The following CELF2 variants were observed in gnomAD, a reference collection of about 807,000 sequenced individuals.
CELF2 encodes the protein CUGBP Elav-like family member 2.
CELF2 carries 8 observed loss-of-function variants against 62.6 expected under a neutral mutation model. The observed-to-expected ratio is 0.13, with a 90% CI of 0.07 to 0.23. The LOEUF is 0.23. Among genes scored for constraint, CELF2 ranks in the 10% least tolerant of loss-of-function variants. The pLI is 1.00. For synonymous variants in CELF2, 258 were observed against 250.0 expected (o/e 1.03, Z -0.30); for missense variants, 333 against 671.0 (o/e 0.50, Z 5.56).
intron 2 of CELF2, among the ~76,000 whole-genome samples, chr10:10,958,726 C>A (rs536635266): frequency 6.6e-6 from 1 of 152,144 alleles, no homozygotes; most frequent in South Asian, 2.1e-4. Context: ...ACCTGTAAGT[C>A]CCAGCTACTC....
chr10:11,001,151 T>C (rs1362607833), upstream of CELF2, among the ~76,000 whole-genome samples: 9 of 152,252 alleles, frequency 5.9e-5, no homozygotes, highest in Admixed American at 5.9e-4. Context: ...CATATTTACT[T>C]AACAAATTTT....
At chr10:10,795,483 T>C (rs1337098554), upstream of CELF2, among the ~76,000 whole-genome samples, 1 of 152,168 alleles carries the variant, frequency 6.6e-6, no homozygotes, top group African/African-American at 2.4e-5. Context: ...ACTGTTGCCT[T>C]TCTGTGTTAC....
At chr10:10,809,734 CATT>C (rs1177016413) in intron 1 of CELF2, among the ~76,000 whole-genome samples, 2 of 152,258 alleles carry the variant, frequency 1.3e-5, no homozygotes, top group East Asian at 1.9e-4. Context: ...CTTAGGCAAA[CATT>C]ATGAAACAAT....
At chr10:10,499,325 C>T in the CELF2 span, among the ~76,000 whole-genome samples, 41 of 152,136 alleles carry the variant, frequency 2.7e-4, no homozygotes, top group African/African-American at 8.7e-4. Flanking sequence ...CTCAGCCTCC[C>T]GAAGTGCTGG....
the CELF2 span, among the ~76,000 whole-genome samples, chr10:10,682,738 G>A: frequency 6.6e-6 from 1 of 152,100 alleles, no homozygotes; most frequent in Non-Finnish European, 1.5e-5. Context: ...TTGGATATCA[G>A]CATTCCTGGA....
the CELF2 span, among the ~76,000 whole-genome samples, chr10:10,683,949 T>C: frequency 6.6e-6 from 1 of 152,172 alleles, no homozygotes; most frequent in Non-Finnish European, 1.5e-5. Flanking sequence ...CTTGACTGTT[T>C]CTCTTTCCTT....
chr10:11,080,589 A>C (rs2073736211), intron 1 of CELF2, among the ~76,000 whole-genome samples: 1 of 152,254 alleles, frequency 6.6e-6, no homozygotes, highest in South Asian at 2.1e-4. Context: ...TTCTGTCTGC[A>C]TTAACCATTA....
intron 2 of CELF2, among the ~76,000 whole-genome samples, chr10:10,986,227 C>CA (rs1170509674): frequency 6.6e-6 from 1 of 151,696 alleles, no homozygotes; most frequent in Non-Finnish European, 1.5e-5. Context: ...ATTAAAATTG[C>CA]AAAAAATTCT....
chr10:11,287,426 A>G (rs1247914085), intron 8 of CELF2, among the ~76,000 whole-genome samples: 1 of 152,234 alleles, frequency 6.6e-6, no homozygotes, highest in East Asian at 1.9e-4. Flanking sequence ...TGTAGACACC[A>G]GGGCTGAGCC....
chr10:10,503,628 G>A, the CELF2 span, among the ~76,000 whole-genome samples: 1 of 151,760 alleles, frequency 6.6e-6, no homozygotes, highest in Non-Finnish European at 1.5e-5. Context: ...ATTTTATTAT[G>A]GATAGTATAT....
chr10:11,297,418 G>A lies in CELF2; in HGVS notation c.976+8866G>A, dbSNP rs564636612. On this transcript the variant is annotated intron_variant, in intron 9 of 12. Transcript: ENST00000633077. This position sits in a 1 kb window ranked among gnomAD's most constrained non-coding sequence, Gnocchi z 4.4. ...CAGCAAGGCAAGGCGGGGACCAGGT[G>A]CAGAAAGCCTTGGGGTCTGTGCTTG... Among the ~76,000 whole-genome samples the A allele has an allele frequency of 7.2e-4, 109 of 152,276 alleles. 1 individual carries two copies. The highest frequency in any genetic ancestry group is 2.3e-3 in the African/African-American group (97 of 41,544).
intron 2 of CELF2, among the ~76,000 whole-genome samples, chr10:10,942,218 A>G (rs1263269006): frequency 6.6e-6 from 1 of 152,214 alleles, no homozygotes; most frequent in Non-Finnish European, 1.5e-5. Flanking sequence ...AAATGATTCC[A>G]AAAGTTAGCT....
chr10:11,142,983 G>T (rs2061625601), intron 1 of CELF2, among the ~76,000 whole-genome samples: 4 of 151,206 alleles, frequency 2.6e-5, no homozygotes, highest in Non-Finnish European at 4.4e-5. Flanking sequence ...CTCCCCTCGT[G>T]ATTCTTCTGT....
At chr10:10,700,644 C>T in the CELF2 span, among the ~76,000 whole-genome samples, 1 of 152,214 alleles carries the variant, frequency 6.6e-6, no homozygotes, top group Non-Finnish European at 1.5e-5. Flanking sequence ...TTACACTCCC[C>T]ACTCCTATGT....
chr10:10,742,212 T>C, the CELF2 span, among the ~76,000 whole-genome samples: 1 of 144,250 alleles, frequency 6.9e-6, no homozygotes, highest in South Asian at 2.6e-4. Context: ...AGAAAAAAAT[T>C]TTGGTTTTGT....
intron 1 of CELF2, among the ~76,000 whole-genome samples, chr10:10,915,885 C>G (rs2064279792): frequency 6.6e-6 from 1 of 152,146 alleles, no homozygotes; most frequent in Admixed American, 6.5e-5. Context: ...ATTGCCTGGG[C>G]TGAACGTAGA....
At chr10:11,205,099 G>T (rs1014228376) in intron 2 of CELF2, among the ~76,000 whole-genome samples, 1 of 152,230 alleles carries the variant, frequency 6.6e-6, no homozygotes. Context: ...TAGAGGTCAC[G>T]TAAATGGATG....
chr10:10,504,773 A>C, the CELF2 span, among the ~76,000 whole-genome samples: 1 of 151,476 alleles, frequency 6.6e-6, no homozygotes, highest in South Asian at 2.1e-4. Flanking sequence ...GTCATTCTAT[A>C]TTTCAGTTCA....
intron 1 of CELF2, among the ~76,000 whole-genome samples, chr10:11,104,411 C>A (rs558818937): frequency 6.6e-6 from 1 of 152,326 alleles, no homozygotes; most frequent in South Asian, 2.1e-4. Flanking sequence ...TACCCTTGAG[C>A]AAACCACAGT....
Sources: gnomAD v4.1 joint callset for allele counts (sites outside exome capture counted in the v4.1 genomes callset) on GRCh38, gnomAD v4.1.1 for gene constraint, Gnocchi (gnomAD v3.1) non-coding constraint, MANE v1.5 for transcripts, NCBI Gene and HGNC (gene_info 2026-07-23, HGNC 2026-07-21) for gene names.